Variants in GRID2 observed in about 807,000 individuals in gnomAD.
The protein encoded by GRID2 is glutamate receptor ionotropic, delta-2.
A neutral mutation model predicts 114.8 loss-of-function variants in GRID2; 33 were observed. That is an observed-to-expected ratio of 0.29 (90% CI 0.22 to 0.38). GRID2 has a LOEUF of 0.38. Among genes scored for constraint, GRID2 ranks in the 10% least tolerant of loss-of-function variants. The pLI, the probability that GRID2 is intolerant of heterozygous loss-of-function variation, is 1.00. For missense variants in GRID2, 1,184 were observed against 1,257.7 expected (o/e 0.94, Z 0.89); for synonymous variants, 505 against 449.9 (o/e 1.12, Z -1.55).
chr4:92,946,681 G>A (rs1751658134), intron 2 of GRID2, among the ~76,000 whole-genome samples: 1 of 152,048 alleles, frequency 6.6e-6, no homozygotes, highest in Non-Finnish European at 1.5e-5. Context: ...GTTTTCTGCA[G>A]AAAGGCCTTA....
At chr4:93,457,644 C>A (rs537360812) in intron 11 of GRID2, among the ~76,000 whole-genome samples, 1 of 152,046 alleles carries the variant, frequency 6.6e-6, no homozygotes, top group African/African-American at 2.4e-5. Flanking sequence ...GGTAAGGTAG[C>A]TTTGGGAGTC....
At chr4:93,409,971 A>T (rs1361610956) in intron 9 of GRID2, among the ~76,000 whole-genome samples, 9 of 152,198 alleles carry the variant, frequency 5.9e-5, no homozygotes, top group Non-Finnish European at 1.3e-4. Flanking sequence ...TTGCAAATTC[A>T]AAGATATAAA....
chr4:93,415,742 T>C (rs1560596871), intron 9 of GRID2, among the ~76,000 whole-genome samples: 3 of 152,032 alleles, frequency 2.0e-5, no homozygotes, highest in African/African-American at 7.2e-5. Context: ...ATGTCTAAAA[T>C]AAAATATTTT....
intron 1 of GRID2, among the ~76,000 whole-genome samples, chr4:92,569,568 C>T (rs1281048674): frequency 2.0e-5 from 3 of 152,008 alleles, no homozygotes; most frequent in Non-Finnish European, 4.4e-5. Context: ...ACAAGGGTTG[C>T]ACTAACTTAT....
chr4:93,241,760 A>G (rs1017768871), intron 8 of GRID2, among the ~76,000 whole-genome samples: 2 of 151,550 alleles, frequency 1.3e-5, no homozygotes, highest in African/African-American at 2.4e-5. Context: ...AAATTTCAGT[A>G]GAGGGGTAAT....
intron 2 of GRID2, among the ~76,000 whole-genome samples, chr4:92,859,222 A>C (rs188624519): frequency 1.1e-3 from 173 of 152,306 alleles, no homozygotes; most frequent in Admixed American, 2.7e-3. Flanking sequence ...AAAATCCTAC[A>C]CCAGCAAAAA....
At chr4:92,564,405 G>A (rs1051424748) in intron 1 of GRID2, among the ~76,000 whole-genome samples, 99 of 152,062 alleles carry the variant, frequency 6.5e-4, no homozygotes, top group African/African-American at 2.2e-3. Context: ...AGACATATAA[G>A]CATTACATTA....
chr4:93,596,535 G>A (rs1036224575), intron 13 of GRID2, among the ~76,000 whole-genome samples: 3 of 151,828 alleles, frequency 2.0e-5, no homozygotes, highest in Admixed American at 6.6e-5. Context: ...CCGAGATCGC[G>A]TCACTGCACT....
intron 1 of GRID2, among the ~76,000 whole-genome samples, chr4:92,407,083 G>T (rs555903685): frequency 0.032 from 2,594 of 81,646 alleles, 41 homozygotes; most frequent in Non-Finnish European, 0.038. Context: ...GCAGGAGATA[G>T]AGAGAGAGAG....
At chr4:92,667,030 C>A (rs912459616) in intron 2 of GRID2, among the ~76,000 whole-genome samples, 1 of 151,460 alleles carries the variant, frequency 6.6e-6, no homozygotes, top group African/African-American at 2.4e-5. Context: ...ATGAAAACTG[C>A]TCTAGTAACA....
chr4:92,862,225 C>T (rs531822525), intron 2 of GRID2, among the ~76,000 whole-genome samples: 3 of 151,960 alleles, frequency 2.0e-5, no homozygotes, highest in Non-Finnish European at 4.4e-5. Context: ...AATTTTCACT[C>T]TAATTTCATA....
chr4:92,954,093 A>G (rs954274252), intron 2 of GRID2, among the ~76,000 whole-genome samples: 7 of 152,176 alleles, frequency 4.6e-5, no homozygotes, highest in African/African-American at 1.7e-4. Flanking sequence ...ATCCATGTGC[A>G]GACACACACA....
At chr4:93,736,738 A>AT (rs528193148) in intron 14 of GRID2, among the ~76,000 whole-genome samples, 15 of 151,478 alleles carry the variant, frequency 9.9e-5, no homozygotes, top group East Asian at 5.8e-4. Context: ...GGAATATTTG[A>AT]TTTTTTTTAG....
chr4:93,343,901 C>CT (rs1759918479), intron 8 of GRID2, among the ~76,000 whole-genome samples: 1 of 152,002 alleles, frequency 6.6e-6, no homozygotes, highest in African/African-American at 2.4e-5. Flanking sequence ...TTGTAATATT[C>CT]TTGAACATTT....
At chr4:93,396,733 C>T (rs1402721907) in intron 9 of GRID2, among the ~76,000 whole-genome samples, 1 of 151,846 alleles carries the variant, frequency 6.6e-6, no homozygotes, top group Non-Finnish European at 1.5e-5. Flanking sequence ...TAATTCTATA[C>T]ATTATAGTTT....
At position 92,410,189 on chromosome 4, in the gene GRID2, C is replaced by T. The variant is rs143537862; in HGVS notation, c.88+105445C>T. On this transcript the variant is annotated intron_variant, in intron 1 of 15. Transcript: ENST00000282020. ...AGCATCTTCTATCTGTCCTTGAACA[C>T]GCTTCAACTTCTTTGTGTAGTGGGG... Among the ~76,000 whole-genome samples, 664 of 152,244 alleles carry T rather than the reference C, an allele frequency of 4.4e-3. 2 individuals carry two copies. The highest frequency in any genetic ancestry group is 0.017 in the Middle Eastern group (5 of 292).
At chr4:93,439,676 T>C (rs562713509) in intron 10 of GRID2, among the ~76,000 whole-genome samples, 1 of 152,144 alleles carries the variant, frequency 6.6e-6, no homozygotes, top group African/African-American at 2.4e-5. Flanking sequence ...CACCTGAGCA[T>C]GGGTAAGGAG....
intron 2 of GRID2, among the ~76,000 whole-genome samples, chr4:93,017,331 T>C (rs577375881): frequency 8.5e-5 from 13 of 152,288 alleles, no homozygotes; most frequent in African/African-American, 3.1e-4. Flanking sequence ...TGTATGTAGT[T>C]GACAGGGTAG....
At chr4:92,991,233 G>A (rs1754885227) in intron 2 of GRID2, among the ~76,000 whole-genome samples, 1 of 152,064 alleles carries the variant, frequency 6.6e-6, no homozygotes, top group Non-Finnish European at 1.5e-5. Flanking sequence ...TAATAATCAT[G>A]GTTTGCAATA....
Sources: gnomAD v4.1 joint callset for allele counts (sites outside exome capture counted in the v4.1 genomes callset) on GRCh38, gnomAD v4.1.1 for gene constraint, MANE v1.5 for transcripts, NCBI Gene and HGNC (gene_info 2026-07-23, HGNC 2026-07-21) for gene names.